Variants in ADAR observed in about 807,000 individuals in gnomAD.
ADAR encodes the protein double-stranded RNA-specific adenosine deaminase.
ADAR carries 41 observed loss-of-function variants against 113.2 expected under a neutral mutation model. The ratio of observed to expected loss-of-function variants is 0.36; its 90% CI spans 0.28 to 0.47. The LOEUF (loss-of-function observed/expected upper bound fraction) is 0.47. Among genes scored for constraint, ADAR ranks in the 20% least tolerant of loss-of-function variants. The pLI, the probability that ADAR is intolerant of heterozygous loss-of-function variation, is 1.00. For missense variants in ADAR, 1,242 were observed against 1,540.9 expected (o/e 0.81, Z 3.25); for synonymous variants, 605 against 572.6 (o/e 1.06, Z -0.81).
At chr1:154,593,087 AC>A in intron 6 of ADAR, among the ~76,000 whole-genome samples, 1 of 133,714 alleles carries the variant, frequency 7.5e-6, no homozygotes, top group African/African-American at 2.7e-5. Flanking sequence ...GTGAGCTGAG[AC>A]TGCGCCACTG....
At chr1:154,590,909 A>G (rs1697104529) in intron 6 of ADAR, among the ~76,000 whole-genome samples, 3 of 152,148 alleles carry the variant, frequency 2.0e-5, no homozygotes, top group African/African-American at 2.4e-5. Flanking sequence ...AGCTATGACC[A>G]TATCACTGCA....
intron 13 of ADAR, 78 bp downstream of exon 13, chr1:154,585,675 G>C: frequency 7.9e-7 from 1 of 1,258,804 alleles, no homozygotes. Context: ...CTTGCCCACA[G>C]TGTACATTTT....
intron 4 of ADAR, among the ~76,000 whole-genome samples, chr1:154,597,591 C>T (rs552537081): frequency 1.3e-5 from 2 of 152,256 alleles, no homozygotes; most frequent in East Asian, 1.9e-4. Context: ...ACCTCCAAGC[C>T]GTGAACCTCC....
intron 1 of ADAR, among the ~76,000 whole-genome samples, chr1:154,605,616 A>T (rs1362127820): frequency 1.3e-5 from 2 of 151,490 alleles, no homozygotes; most frequent in South Asian, 2.1e-4. Flanking sequence ...AATCATCTCA[A>T]CCTCTCTAGC....
upstream of ADAR, among the ~76,000 whole-genome samples, chr1:154,611,278 G>A (rs1698478660): frequency 6.6e-6 from 1 of 152,108 alleles, no homozygotes; most frequent in Admixed American, 6.5e-5. Flanking sequence ...TCTAACATAG[G>A]ACACAGTGGC....
chr1:154,590,134 T>TCGGGGGGGGGGGGGGGGG, intron 7 of ADAR, 50 bp downstream of exon 7: 1 of 1,447,046 alleles, frequency 6.9e-7, no homozygotes, highest in Non-Finnish European at 9.6e-7. Flanking sequence ...ACTTAGGAGT[T>TCGGGGGGGGGGGGGGGGG]AGGAGGACCC....
chr1:154,597,740 C>T, intron 4 of ADAR, 88 bp downstream of exon 4: 1 of 1,562,668 alleles, frequency 6.4e-7, no homozygotes, highest in African/African-American at 1.4e-5. Flanking sequence ...ATTGGTCAAT[C>T]TGCCATCCCT....
upstream of ADAR, among the ~76,000 whole-genome samples, chr1:154,610,808 C>CAAAA (rs1369386387): frequency 5.6e-3 from 227 of 40,526 alleles, 28 homozygotes; most frequent in East Asian, 7.0e-3. Flanking sequence ...GACACCGTCT[C>CAAAA]AAAAAAAAAA....
At position 154,597,895 on chromosome 1, in the gene ADAR, T is replaced by C. The variant is rs1481646805; in HGVS notation, c.1867A>G (p.Met623Val). 3.1e-6 allele frequency: 5 copies of C among 1,614,026 alleles called. No individual in the cohort carries two copies. In the African/African-American group the frequency reaches 6.7e-5, roughly 22 times the overall value. ...TCGCAGGAGTTCCCCAATTTGTGCATACACTCAAGCAGTGTGGTGACGGGG... is the reference window on the plus strand; with the variant it reads ...TCGCAGGAGTTCCCCAATTTGTGCACACACTCAAGCAGTGTGGTGACGGGG... ...KSPVTTLLECMHKLGNSCEFR... is the reference protein window; with the variant it reads ...KSPVTTLLECVHKLGNSCEFR... The change falls in exon 4 of 15, where the codon ATG becomes GTG. Residue 623 changes from methionine (M) to valine (V), a missense_variant. Around this residue, in one of 2 missense-constraint regions of ADAR, gnomAD observed 780 missense variants for 1,057.9 expected, o/e 0.74. Transcript: ENST00000368474.
intron 1 of ADAR, among the ~76,000 whole-genome samples, chr1:154,620,969 G>A (rs932296197): frequency 6.6e-6 from 1 of 152,174 alleles, no homozygotes; most frequent in African/African-American, 2.4e-5. Flanking sequence ...TGCCAAGCAC[G>A]AGTGCCTCTT....
chr1:154,600,435 A>T (rs1291039244), intron 2 of ADAR: 1 of 155,622 alleles, frequency 6.4e-6, no homozygotes, highest in African/African-American at 2.5e-5. Flanking sequence ...CTGGGATTAC[A>T]GTCGTAAGCC....
At chr1:154,618,143 T>G (rs1486481260) in intron 1 of ADAR, among the ~76,000 whole-genome samples, 2 of 151,000 alleles carry the variant, frequency 1.3e-5, no homozygotes, top group African/African-American at 2.4e-5. Context: ...ATATTCTTTA[T>G]ATACTTTAAT....
intron 10 of ADAR, 124 bp downstream of exon 10, chr1:154,588,427 T>C: frequency 6.6e-7 from 1 of 1,515,792 alleles, no homozygotes; most frequent in Admixed American, 1.7e-5. Flanking sequence ...AATATGGACC[T>C]CAAACCCACA....
chr1:154,607,870 A>G (rs1698303438), intron 1 of ADAR, 122 bp downstream of exon 1: 1 of 1,393,586 alleles, frequency 7.2e-7, no homozygotes, highest in Non-Finnish European at 9.8e-7. Context: ...GCTTGGCAAG[A>G]CGACACACAC....
chr1:154,622,041 G>A (rs966377670), intron 1 of ADAR, among the ~76,000 whole-genome samples: 1 of 152,156 alleles, frequency 6.6e-6, no homozygotes, highest in Admixed American at 6.5e-5. Context: ...CAGGAAGATG[G>A]ATGTGCTCTG....
intron 1 of ADAR, among the ~76,000 whole-genome samples, chr1:154,604,658 C>T (rs914828218): frequency 6.6e-6 from 1 of 152,178 alleles, no homozygotes; most frequent in Admixed American, 6.5e-5. Flanking sequence ...GGTCTTTCAC[C>T]TCTTTTTTCT....
intron 1 of ADAR, among the ~76,000 whole-genome samples, chr1:154,607,030 T>G (rs1359063396): frequency 6.6e-6 from 1 of 152,184 alleles, no homozygotes; most frequent in African/African-American, 2.4e-5. Flanking sequence ...ATCTATGAAT[T>G]TCGACAATCG....
chr1:154,613,004 C>T (rs9426826), upstream of ADAR, among the ~76,000 whole-genome samples: 2 of 150,894 alleles, frequency 1.3e-5, no homozygotes, highest in Non-Finnish European at 3.0e-5. Flanking sequence ...GTAGAGACGG[C>T]GTTTCACCGT....
chr1:154,596,733 C>T, intron 6 of ADAR, 72 bp downstream of exon 6: 1 of 1,571,532 alleles, frequency 6.4e-7, no homozygotes. Flanking sequence ...CTAAAGCACA[C>T]CCTTGTTTTC....
Sources: gnomAD v4.1 joint callset for allele counts (sites outside exome capture counted in the v4.1 genomes callset) on GRCh38, gnomAD v4.1.1 for gene constraint, gnomAD v4.1.1 regional missense constraint, MANE v1.5 for transcripts, NCBI Gene and HGNC (gene_info 2026-07-23, HGNC 2026-07-21) for gene names.